The following NYAP2 variants were observed in gnomAD, a reference collection of about 807,000 sequenced individuals.
The protein encoded by NYAP2 is neuronal tyrosine-phosphorylated phosphoinositide-3-kinase adaptor 2.
In NYAP2, 23 loss-of-function variants were observed where a neutral mutation model predicts 50.4. That is an observed-to-expected ratio of 0.46 (90% CI 0.33 to 0.65). The LOEUF (loss-of-function observed/expected upper bound fraction) is 0.65, where lower values mean the gene tolerates loss of function less well. NYAP2 is among the 30% of genes least tolerant of loss of function. NYAP2 has a pLI of 0.02. For synonymous variants in NYAP2, 394 were observed against 365.2 expected (o/e 1.08, Z -0.90); for missense variants, 885 against 861.0 (o/e 1.03, Z -0.35).
the NYAP2 span, among the ~76,000 whole-genome samples, chr2:225,681,260 AAAG>A: frequency 6.6e-6 from 1 of 152,220 alleles, no homozygotes; most frequent in East Asian, 1.9e-4. Context: ...TAGGGGACAG[AAAG>A]AAGATCACAT....
intron 3 of NYAP2, among the ~76,000 whole-genome samples, chr2:225,446,420 A>G (rs1356234539): frequency 1.3e-5 from 2 of 151,946 alleles, no homozygotes; most frequent in Non-Finnish European, 2.9e-5. Context: ...ACTGGGTAGG[A>G]AAAAGATGCA....
intron 5 of NYAP2, among the ~76,000 whole-genome samples, chr2:225,620,433 A>ACACACGCACG (rs1033525180): frequency 1.6e-4 from 5 of 30,706 alleles, no homozygotes; most frequent in African/African-American, 4.1e-4. Context: ...ACACGCACGC[A>ACACACGCACG]CACACGCACG....
chr2:225,448,637 CAAT>C (rs942270518), intron 3 of NYAP2, among the ~76,000 whole-genome samples: 1 of 152,148 alleles, frequency 6.6e-6, no homozygotes, highest in Non-Finnish European at 1.5e-5. Context: ...ATCCAGGTTT[CAAT>C]ATTCCCAGTA....
intron 4 of NYAP2, among the ~76,000 whole-genome samples, chr2:225,521,098 G>A (rs975098740): frequency 1.4e-5 from 2 of 145,290 alleles, no homozygotes; most frequent in Non-Finnish European, 3.0e-5. Flanking sequence ...GTATAAGAAT[G>A]CTTGTGATTT....
chr2:225,653,140 AC>A (rs1693765073), exon 7 of NYAP2: 1 of 152,228 alleles, frequency 6.6e-6, no homozygotes, highest in South Asian at 2.1e-4. Context: ...TATTGTACTT[AC>A]CAACATTTAA....
chr2:225,575,123 T>C (rs1334156800), intron 4 of NYAP2, among the ~76,000 whole-genome samples: 1 of 152,150 alleles, frequency 6.6e-6, no homozygotes, highest in Non-Finnish European at 1.5e-5. Flanking sequence ...CACAGTTTCA[T>C]GAGGTACATT....
At chr2:225,440,388 T>A (rs1009985597) in intron 3 of NYAP2, among the ~76,000 whole-genome samples, 7 of 152,186 alleles carry the variant, frequency 4.6e-5, no homozygotes, top group Non-Finnish European at 8.8e-5. Flanking sequence ...CTGAATAATT[T>A]AGGGTGAAGC....
rs77877956 is a variant in NYAP2 at position 225,632,592 on chromosome 2, G to A, written c.1828+5466G>A. ...TTAACACTGGTTGCTGGGGTACTTC[G>A]TTAAAGTCACTGTTGTTTAGTAAAT... On this transcript the variant is annotated intron_variant, in intron 6 of 6. Transcript: ENST00000636099. 4.2e-3 allele frequency among the ~76,000 whole-genome samples: 646 copies of A among 152,290 alleles called. 6 individuals carry two copies. Among genetic ancestry groups the A allele is most frequent in the African/African-American group, 0.014 (574 of 41,564 alleles).
At chr2:225,454,038 C>T (rs951339634) in intron 3 of NYAP2, among the ~76,000 whole-genome samples, 1 of 151,928 alleles carries the variant, frequency 6.6e-6, no homozygotes, top group Non-Finnish European at 1.5e-5. Context: ...ACTTTTGAGG[C>T]CAGGAGTGGT....
At chr2:225,571,590 G>A (rs1692075195) in intron 4 of NYAP2, among the ~76,000 whole-genome samples, 2 of 152,214 alleles carry the variant, frequency 1.3e-5, no homozygotes, top group South Asian at 4.1e-4. Flanking sequence ...CATGGCTGGA[G>A]CTGAAGCAGA....
chr2:225,589,565 C>T (rs1357488468), intron 5 of NYAP2, among the ~76,000 whole-genome samples: 1 of 118,642 alleles, frequency 8.4e-6, no homozygotes, highest in Admixed American at 9.5e-5. Context: ...TGTGGTGTCA[C>T]ATGCCTGCGG....
intron 4 of NYAP2, among the ~76,000 whole-genome samples, chr2:225,558,548 C>A (rs1359276658): frequency 2.0e-5 from 3 of 152,180 alleles, no homozygotes; most frequent in Admixed American, 6.5e-5. Context: ...TCTCCAATAA[C>A]AGCCAGGGAA....
At chr2:225,638,173 T>TGTGTGG in intron 6 of NYAP2, among the ~76,000 whole-genome samples, 1 of 150,662 alleles carries the variant, frequency 6.6e-6, no homozygotes, top group Middle Eastern at 3.4e-3. Flanking sequence ...TGTGTGTGTG[T>TGTGTGG]GTGTGTGTGT....
At chr2:225,677,117 G>A in the NYAP2 span, among the ~76,000 whole-genome samples, 3 of 152,000 alleles carry the variant, frequency 2.0e-5, no homozygotes, top group Non-Finnish European at 4.4e-5. Context: ...TCCTTGTAGA[G>A]ATCTTTCACC....
At chr2:225,522,112 G>A (rs1011964541) in intron 4 of NYAP2, among the ~76,000 whole-genome samples, 1 of 152,062 alleles carries the variant, frequency 6.6e-6, no homozygotes, top group African/African-American at 2.4e-5. Context: ...TGTGGGATCA[G>A]TGGTGATATC....
chr2:225,572,705 C>G (rs573326583), intron 4 of NYAP2, among the ~76,000 whole-genome samples: 1 of 152,128 alleles, frequency 6.6e-6, no homozygotes, highest in East Asian at 1.9e-4. Context: ...GCTTTCTCAT[C>G]GAATCTGAAC....
At chr2:225,448,325 T>G (rs1689595833) in intron 3 of NYAP2, among the ~76,000 whole-genome samples, 3 of 152,164 alleles carry the variant, frequency 2.0e-5, no homozygotes, top group South Asian at 4.1e-4. Context: ...ATTGTGTAGC[T>G]TCACACTTGA....
At chr2:225,634,641 G>T (rs1693380686) in intron 6 of NYAP2, among the ~76,000 whole-genome samples, 1 of 152,160 alleles carries the variant, frequency 6.6e-6, no homozygotes, top group Non-Finnish European at 1.5e-5. Context: ...TAATGCAGTG[G>T]TTGAGCACCA....
At chr2:225,552,679 CA>C (rs1691699225) in intron 4 of NYAP2, among the ~76,000 whole-genome samples, 1 of 152,038 alleles carries the variant, frequency 6.6e-6, no homozygotes, top group Non-Finnish European at 1.5e-5. Context: ...TTGTGAGAAA[CA>C]AGGTTTTGTT....
Sources: gnomAD v4.1 joint callset for allele counts (sites outside exome capture counted in the v4.1 genomes callset) on GRCh38, gnomAD v4.1.1 for gene constraint, MANE v1.5 for transcripts, NCBI Gene and HGNC (gene_info 2026-07-23, HGNC 2026-07-21) for gene names.